The following SWT1 variants were observed in gnomAD, a reference collection of about 807,000 sequenced individuals.
SWT1 encodes the protein SWT1 RNA endoribonuclease homolog, also known as transcriptional protein SWT1.
Under a neutral mutation model 107.3 loss-of-function variants are expected in SWT1, and 33 were observed. The observed-to-expected ratio is 0.31, with a 90% CI of 0.23 to 0.41. The LOEUF is 0.41. SWT1 is among the 10% of genes least tolerant of loss of function. The pLI is 1.00. For missense variants in SWT1, 898 were observed against 1,028.9 expected (o/e 0.87, Z 1.74); for synonymous variants, 345 against 348.3 (o/e 0.99, Z 0.11).
Position 185,271,383 on chromosome 1 carries a change from G to C in SWT1, c.2502G>C (p.Lys834Asn), listed in dbSNP as rs1157025545. 6.9e-7 allele frequency: 1 copy of C among 1,444,956 alleles called. No individual in the cohort carries two copies. The highest frequency in any genetic ancestry group is 9.7e-7 in the Non-Finnish European group (1 of 1,029,384). The allele number at this position is 1,444,956 out of a possible 1,614,324, so 89.5% of individuals were successfully genotyped here. ...AGACCCTCTATAACTTCCTAATCAAGTATGAGGTATGGGAAATATTTTAAA... is the reference window on the plus strand; with the variant it reads ...AGACCCTCTATAACTTCCTAATCAACTATGAGGTATGGGAAATATTTTAAA... ...DVETLYNFLI[K>N]YEVNKNVKFT... The change falls in exon 17 of 19, where the codon AAG becomes AAC. Residue 834 changes from lysine to asparagine, a missense_variant. Lys to Asn is a moderately conservative substitution (Grantham distance 94). Around this residue, in one of 6 missense-constraint regions of SWT1, gnomAD observed 382 missense variants for 460.0 expected, o/e 0.83. Coordinates refer to ENST00000367500, the MANE Select transcript of SWT1 (RefSeq NM_017673.7).
rs79721163 is a variant in SWT1, at chr1:185,272,278, C to T, written c.2508+889C>T. On this transcript the variant is annotated intron_variant, in intron 17 of 18. Coordinates refer to ENST00000367500, the MANE Select transcript of SWT1 (RefSeq NM_017673.7). ...TCTCCTCATCATTACTGAACCGAAGCGGGTATTCTGTTGTCAATTTCTGTG... is the reference window on the plus strand; with the variant it reads ...TCTCCTCATCATTACTGAACCGAAGTGGGTATTCTGTTGTCAATTTCTGTG... Among the ~76,000 whole-genome samples, 847 of 152,248 alleles carry T rather than the reference C, an allele frequency of 5.6e-3. 35 individuals carry two copies. The East Asian group carries it at 0.093, about 17-fold the overall frequency.
In SWT1 at chr1:185,206,735, T is replaced by C. The variant is rs1658364254; in HGVS notation, c.1944T>C (p.Ile648=). 6.2e-7 allele frequency: 1 copy of C among 1,602,330 alleles called. No homozygotes were observed. Among genetic ancestry groups the C allele is most frequent in the African/African-American group, 1.3e-5 (1 of 74,284 alleles). ...TGGAAAAGAACTTGCTTTTAACTAT[T>C]GAGAGCCTATACAAAAATCTCCGTA... ...LVMEKNLLLT[I]ESLYKNLRKA... Residue 648 remains isoleucine (I), a synonymous_variant, in exon 13 of 19, where the codon ATT becomes ATC. Coordinates refer to ENST00000367500, the MANE Select transcript of SWT1 (RefSeq NM_017673.7).
chr1:185,186,606 C>A (rs1377289455), intron 9 of SWT1, among the ~76,000 whole-genome samples: 1 of 151,708 alleles, frequency 6.6e-6, no homozygotes, highest in Non-Finnish European at 1.5e-5. Flanking sequence ...TAAATAAAAA[C>A]AAACATAAGA....
At chr1:185,277,793 T>C (rs1322526913) in intron 18 of SWT1, among the ~76,000 whole-genome samples, 1 of 152,176 alleles carries the variant, frequency 6.6e-6, no homozygotes, top group Non-Finnish European at 1.5e-5. Context: ...TCTCAAGGGA[T>C]TGTATCTTTA....
intron 13 of SWT1, among the ~76,000 whole-genome samples, chr1:185,207,497 T>C (rs1658430281): frequency 6.6e-6 from 1 of 152,112 alleles, no homozygotes. Context: ...AGGAAAAAAA[T>C]GTGAGAAAAA....
chr1:185,196,551 ATTGAATCAATAAATTAC>A (rs1558032001), intron 10 of SWT1, among the ~76,000 whole-genome samples: 2 of 152,232 alleles, frequency 1.3e-5, no homozygotes, highest in African/African-American at 4.8e-5. Flanking sequence ...TCAGGATAGC[ATTGAATCAATAAATTAC>A]TTTGGGCATT....
At chr1:185,176,020 T>C (rs552589604) in intron 5 of SWT1, among the ~76,000 whole-genome samples, 2 of 152,294 alleles carry the variant, frequency 1.3e-5, no homozygotes, top group African/African-American at 4.8e-5. Flanking sequence ...CTGGATACAA[T>C]GGCTCACGCC....
At chr1:185,250,743 A>G (rs921088935) in intron 16 of SWT1, among the ~76,000 whole-genome samples, 2 of 151,832 alleles carry the variant, frequency 1.3e-5, no homozygotes, top group Non-Finnish European at 2.9e-5. Flanking sequence ...GCTCACTGCA[A>G]CCTCCACCTC....
intron 13 of SWT1, among the ~76,000 whole-genome samples, chr1:185,211,237 C>A (rs145001350): frequency 6.6e-6 from 1 of 152,122 alleles, no homozygotes; most frequent in African/African-American, 2.4e-5. Flanking sequence ...ATAGCCAAGA[C>A]AATCCTAAGC....
At chr1:185,173,544 A>T (rs1196298775) in intron 4 of SWT1, among the ~76,000 whole-genome samples, 1 of 150,848 alleles carries the variant, frequency 6.6e-6, no homozygotes, top group Middle Eastern at 3.2e-3. Context: ...AAAAAAAAAA[A>T]AAAAAAATAC....
chr1:185,158,288 C>T (rs922806522), intron 1 of SWT1, among the ~76,000 whole-genome samples: 7 of 151,826 alleles, frequency 4.6e-5, no homozygotes, highest in African/African-American at 1.7e-4. Context: ...TGTGTTTAAC[C>T]TCTCCCCAGT....
intron 13 of SWT1, among the ~76,000 whole-genome samples, chr1:185,210,570 A>G (rs1375004109): frequency 3.9e-5 from 6 of 152,176 alleles, no homozygotes; most frequent in Non-Finnish European, 8.8e-5. Context: ...GCTGTGTATG[A>G]CAAACCCACA....
chr1:185,160,890 G>C lies in SWT1; in HGVS notation c.49G>C (p.Asp17His). The change falls in exon 2 of 19, where the codon GAC (aspartate) becomes CAC (histidine). Residue 17 changes from aspartate to histidine, a missense_variant. Asp to His is a moderately conservative substitution (Grantham distance 81). Transcript: ENST00000367500. ...CGKKETSQRK[D>H]TTTSSPNFGE... ...GAAAAAAGAGACATCTCAGAGGAAA[G>C]ACACCACCACCTCATCACCCAATTT... 1.2e-6 allele frequency: 2 copies of C among 1,613,338 alleles called. No individual in the cohort carries two copies. The highest frequency in any genetic ancestry group is 1.7e-6 in the Non-Finnish European group (2 of 1,179,694).
Position 185,290,907 on chromosome 1 carries a change from A to C in SWT1, c.*104A>C. On this transcript the variant is annotated 3_prime_UTR_variant, in exon 19 of 19. Coordinates refer to ENST00000367500, the MANE Select transcript of SWT1 (RefSeq NM_017673.7). The stretch of plus-strand genomic sequence containing the variant: ...GGCCAAACCCAAGAGAATTTTAAGA[A>C]ATGTTTCATAGGTATAAAAAGGTGA... 1.0e-6 allele frequency: 1 copy of C among 956,974 alleles called. No homozygotes were observed. Among genetic ancestry groups the C allele is most frequent in the Non-Finnish European group, 1.5e-6 (1 of 666,246 alleles). The allele number at this position is 956,974 out of a possible 1,614,324, so 59.3% of individuals were successfully genotyped here.
At chr1:185,234,569 G>A (rs1349096121) in intron 16 of SWT1, among the ~76,000 whole-genome samples, 3 of 152,014 alleles carry the variant, frequency 2.0e-5, no homozygotes, top group African/African-American at 7.2e-5. Context: ...TATCCAATTA[G>A]CCAGTCTGTG....
chr1:185,260,410 G>T (rs1662938654), intron 16 of SWT1, among the ~76,000 whole-genome samples: 1 of 152,062 alleles, frequency 6.6e-6, no homozygotes, highest in African/African-American at 2.4e-5. Flanking sequence ...TGAAGAGGAG[G>T]AGCAGAAGGA....
chr1:185,281,590 C>T, intron 18 of SWT1: 1 of 226,542 alleles, frequency 4.4e-6, no homozygotes, highest in Non-Finnish European at 9.0e-6. Context: ...ATGAGTTTGT[C>T]AAGGCCTTTC....
chr1:185,239,683 T>C (rs2102602838), intron 16 of SWT1, among the ~76,000 whole-genome samples: 1 of 152,170 alleles, frequency 6.6e-6, no homozygotes, highest in South Asian at 2.1e-4. Context: ...AACCACTAGA[T>C]AGCCAAGGAC....
At chr1:185,236,416 A>T (rs938206222) in intron 16 of SWT1, among the ~76,000 whole-genome samples, 4 of 152,216 alleles carry the variant, frequency 2.6e-5, no homozygotes, top group Non-Finnish European at 5.9e-5. Context: ...GTAATGCCAC[A>T]CATCTACAAC....
Sources: allele counts gnomAD v4.1 joint callset (sites outside exome capture counted in the v4.1 genomes callset), GRCh38; gene constraint gnomAD v4.1.1; regional missense constraint gnomAD v4.1.1; transcripts MANE v1.5; gene names NCBI Gene and HGNC (gene_info 2026-07-23, HGNC 2026-07-21).